RTN3: variants seen among roughly 807,000 people sequenced by gnomAD.
RTN3 encodes the protein reticulon-3.
RTN3 carries 49 observed loss-of-function variants against 77.8 expected under a neutral mutation model. The ratio of observed to expected loss-of-function variants is 0.63; its 90% CI spans 0.50 to 0.80. The LOEUF is 0.80. Among genes scored for constraint, RTN3 ranks in the 30% least tolerant of loss-of-function variants. RTN3 has a pLI of 0.00. For synonymous variants in RTN3, 464 were observed against 446.9 expected, an observed-to-expected ratio of 1.04 and a Z score of -0.48; for missense variants, 1,236 against 1,211.9, an observed-to-expected ratio of 1.02 and a Z score of -0.29.
chr11:63,753,181 T>G (rs1261438513), intron 6 of RTN3, 43 bp downstream of exon 6: 9 of 1,567,916 alleles, frequency 5.7e-6, no homozygotes, highest in Non-Finnish European at 7.9e-6. Context: ...TTGAAGTAGT[T>G]TGTAAGAATA....
chr11:63,724,340 G>A (rs1386873118), intron 3 of RTN3, among the ~76,000 whole-genome samples: 2 of 150,296 alleles, frequency 1.3e-5, no homozygotes, highest in Admixed American at 6.6e-5. Context: ...CTGCTACCAC[G>A]CCCGGCTAAT....
rs912045459 is a variant in RTN3 at position 63,719,155 on chromosome 11, C to CT, written c.654dup (p.Lys219Ter). ...GCCCAGAAACCACCTACTGAGTACTCTAAGGTAGAAGGCATTTATACATAT... is the reference window on the plus strand; with the variant it reads ...GCCCAGAAACCACCTACTGAGTACTCTTAAGGTAGAAGGCATTTATACATAT... On this transcript the variant is annotated frameshift_variant, in exon 3 of 9. Transcript: ENST00000377819. LOFTEE classifies it high-confidence loss of function. 2 of 1,614,110 alleles carry CT rather than the reference C, an allele frequency of 1.2e-6. No homozygotes were observed. Among genetic ancestry groups the CT allele is most frequent in the East Asian group, 2.2e-5 (1 of 44,884 alleles).
intron 3 of RTN3, among the ~76,000 whole-genome samples, chr11:63,732,988 A>G (rs1476859967): frequency 1.3e-5 from 2 of 152,206 alleles, no homozygotes; most frequent in African/African-American, 2.4e-5. Context: ...AGGGTTTGTT[A>G]CAGGATATAC....
chr11:63,693,244 G>A (rs1941758469), intron 1 of RTN3, among the ~76,000 whole-genome samples: 1 of 152,216 alleles, frequency 6.6e-6, no homozygotes, highest in Admixed American at 6.5e-5. Context: ...AGCACTTTGG[G>A]AGGCCGAGGC....
intron 1 of RTN3, among the ~76,000 whole-genome samples, chr11:63,704,039 A>G (rs1032578834): frequency 6.7e-6 from 1 of 149,116 alleles, no homozygotes; most frequent in African/African-American, 2.5e-5. Flanking sequence ...GTCTCACTCT[A>G]TTGCCCAGGC....
intron 1 of RTN3, among the ~76,000 whole-genome samples, chr11:63,703,262 G>A (rs929232551): frequency 3.3e-5 from 5 of 152,112 alleles, no homozygotes; most frequent in Admixed American, 6.6e-5. Context: ...TTTATACACA[G>A]GACTTGAGCA....
intron 1 of RTN3, among the ~76,000 whole-genome samples, chr11:63,695,307 C>T (rs1225609396): frequency 1.3e-5 from 2 of 151,772 alleles, no homozygotes; most frequent in African/African-American, 2.4e-5. Flanking sequence ...TTTTTTTCCC[C>T]CTGAAATTCC....
intron 3 of RTN3, among the ~76,000 whole-genome samples, chr11:63,741,078 G>A (rs2013438246): frequency 6.6e-6 from 1 of 152,114 alleles, no homozygotes; most frequent in Non-Finnish European, 1.5e-5. Context: ...TCATTTCTGT[G>A]CTGTACTAAC....
At chr11:63,752,446 A>C in intron 4 of RTN3, 61 bp from the exon 5 acceptor site, 1 of 1,518,328 alleles carries the variant, frequency 6.6e-7, no homozygotes, top group Non-Finnish European at 9.1e-7. Context: ...CTCAGTAACT[A>C]CTGTGCTAAC....
Position 63,750,219 on chromosome 11 carries a change from C to T in RTN3, c.2738+21C>T, listed in dbSNP as rs150902036. On this transcript the variant is annotated intron_variant, in intron 4 of 8. Coordinates refer to ENST00000377819, the MANE Select transcript of RTN3 (RefSeq NM_001265589.2). ...TTCAAGTGAGTTGAAGTCTTAAAAGCAACATTCTACATTTTAGTGGAAGGG... is the reference window on the plus strand; with the variant it reads ...TTCAAGTGAGTTGAAGTCTTAAAAGTAACATTCTACATTTTAGTGGAAGGG... 591 of 1,584,282 alleles carry T rather than the reference C, an allele frequency of 3.7e-4. 2 individuals are homozygous for T. The African/African-American group carries it at 7.2e-3, about 19-fold the overall frequency.
intron 3 of RTN3, among the ~76,000 whole-genome samples, chr11:63,745,012 A>G (rs1345738576): frequency 2.0e-5 from 3 of 152,192 alleles, no homozygotes; most frequent in Admixed American, 6.5e-5. Flanking sequence ...AGAAAATTTC[A>G]TGGACGCAAA....
chr11:63,718,935 G>T lies in RTN3; in HGVS notation c.433G>T (p.Val145Phe), dbSNP rs1200935223. The change falls in exon 3 of 9, where the codon GTT (valine) becomes TTT (phenylalanine). Residue 145 changes from valine to phenylalanine, a missense_variant. Coordinates refer to ENST00000377819, the MANE Select transcript of RTN3 (RefSeq NM_001265589.2). ...GTSNNVSDSS[V>F]SLAAGVHCDR... is the part of the protein sequence containing the mutation. Reference sequence around the variant, plus strand: ...CAGCAACAACGTATCAGACTCTTCAGTTTCTCTTGCAGCAGGAGTTCATTG... The same window carrying T: ...CAGCAACAACGTATCAGACTCTTCATTTTCTCTTGCAGCAGGAGTTCATTG... 1 of 1,614,218 alleles carries T rather than the reference G, an allele frequency of 6.2e-7. No homozygotes were observed. The highest frequency in any genetic ancestry group is 2.2e-5 in the East Asian group (1 of 44,882).
intron 1 of RTN3, among the ~76,000 whole-genome samples, chr11:63,685,531 C>T (rs1397468238): frequency 7.2e-6 from 1 of 139,650 alleles, no homozygotes; most frequent in Non-Finnish European, 1.5e-5. Context: ...GTGTTGTAAT[C>T]ATTTTTATTG....
At chr11:63,753,844 A>G (rs1290131621) in intron 7 of RTN3, 136 bp downstream of exon 7, 1 of 722,840 alleles carries the variant, frequency 1.4e-6, no homozygotes, top group Non-Finnish European at 2.3e-6. Flanking sequence ...TCAAGTGCCT[A>G]TAAGAAACTG....
At chr11:63,726,787 T>G (rs1565327604) in intron 3 of RTN3, among the ~76,000 whole-genome samples, 1 of 147,338 alleles carries the variant, frequency 6.8e-6, no homozygotes. Flanking sequence ...CTTGAACCCC[T>G]GGGGGTGGAG....
intron 3 of RTN3, among the ~76,000 whole-genome samples, chr11:63,743,075 A>G (rs1033158168): frequency 4.7e-4 from 72 of 152,080 alleles, no homozygotes; most frequent in African/African-American, 1.7e-3. Flanking sequence ...TATTTTTTGT[A>G]TATTTAGTAG....
chr11:63,750,485 T>G (rs181437040), intron 4 of RTN3: 116 of 339,378 alleles, frequency 3.4e-4, no homozygotes, highest in Admixed American at 2.2e-3. Flanking sequence ...CGGATATTGC[T>G]CTTGTTGCCC....
intron 2 of RTN3, among the ~76,000 whole-genome samples, chr11:63,709,025 A>G (rs1942623762): frequency 1.3e-5 from 2 of 152,216 alleles, no homozygotes; most frequent in African/African-American, 2.4e-5. Context: ...CTCTTTTACC[A>G]ATTGAAATGA....
chr11:63,691,349 G>C (rs1941648339), intron 1 of RTN3, among the ~76,000 whole-genome samples: 1 of 151,954 alleles, frequency 6.6e-6, no homozygotes, highest in African/African-American at 2.4e-5. Context: ...TTGAACTCCT[G>C]ACCTCAGGAG....
Sources: gnomAD v4.1 joint callset for allele counts (sites outside exome capture counted in the v4.1 genomes callset) on GRCh38, gnomAD v4.1.1 for gene constraint, MANE v1.5 for transcripts, NCBI Gene and HGNC (gene_info 2026-07-23, HGNC 2026-07-21) for gene names.